The following VPS13D variants were observed in gnomAD, a reference collection of about 807,000 sequenced individuals.
VPS13D encodes the protein vacuolar protein sorting 13 homolog D.
In VPS13D, 187 loss-of-function variants were observed where a neutral mutation model predicts 461.9. That is an observed-to-expected ratio of 0.40 (90% CI 0.36 to 0.46). VPS13D has a LOEUF of 0.46. VPS13D is among the 20% of genes least tolerant of loss of function. The probability of loss-of-function intolerance (pLI) is 0.60; values close to 1 mark genes in which losing one functional copy is unlikely to be tolerated. For missense variants in VPS13D, 4,711 were observed against 5,364.9 expected (o/e 0.88, Z 3.81); for synonymous variants, 1,951 against 1,986.3 (o/e 0.98, Z 0.47).
At chr1:12,322,185 C>A (rs1158781894) in intron 33 of VPS13D, among the ~76,000 whole-genome samples, 2 of 152,198 alleles carry the variant, frequency 1.3e-5, no homozygotes, top group Non-Finnish European at 2.9e-5. Flanking sequence ...CCTGCCTCAG[C>A]CTCCTGAGTA....
intron 67 of VPS13D, among the ~76,000 whole-genome samples, chr1:12,472,167 T>C (rs994684482): frequency 6.6e-6 from 1 of 152,202 alleles, no homozygotes; most frequent in African/African-American, 2.4e-5. Flanking sequence ...CTTTCATGAA[T>C]AGAGACAGTC....
intron 39 of VPS13D, chr1:12,337,159 A>C (rs930529630): frequency 5.3e-5 from 8 of 152,050 alleles, no homozygotes; most frequent in African/African-American, 1.4e-4. Context: ...ATTTTTATTT[A>C]TTTAAAGATT....
chr1:12,366,912 T>G (rs1379955208), intron 52 of VPS13D, among the ~76,000 whole-genome samples: 1 of 152,192 alleles, frequency 6.6e-6, no homozygotes, highest in Non-Finnish European at 1.5e-5. Flanking sequence ...AAAACCTCAC[T>G]TATCACCCAA....
At chr1:12,342,860 G>T (rs764486987) in intron 41 of VPS13D, 39 bp from the exon 42 acceptor site, 2 of 1,581,582 alleles carry the variant, frequency 1.3e-6, no homozygotes, top group South Asian at 2.3e-5. Context: ...GAGCTGGGAA[G>T]AAACAGGGAC....
Position 12,373,662 on chromosome 1 carries a change from C to T in VPS13D, c.10809-88C>T, listed in dbSNP as rs568107162. 6 of 772,470 alleles carry T rather than the reference C, an allele frequency of 7.8e-6. No homozygotes were observed. The East Asian group carries it at 2.8e-4, about 37-fold the overall frequency. The allele number at this position is 772,470 out of a possible 1,614,324, so 47.9% of individuals were successfully genotyped here. Reference sequence around the variant, plus strand: ...TTTTAATAAAAGTTTTGGGCATTTGCTTATTAATACTTGAATACATGTGTG... The same window carrying T: ...TTTTAATAAAAGTTTTGGGCATTTGTTTATTAATACTTGAATACATGTGTG... On this transcript the variant is annotated intron_variant, in intron 54 of 69. Coordinates refer to ENST00000620676, the MANE Select transcript of VPS13D (RefSeq NM_015378.4).
Position 12,348,888 on chromosome 1 carries a change from C to T in VPS13D, c.9135C>T (p.Val3045=). 6.2e-7 allele frequency: 1 copy of T among 1,614,172 alleles called. No individual in the cohort carries two copies. The highest frequency in any genetic ancestry group is 8.5e-7 in the Non-Finnish European group (1 of 1,180,030). The change falls in exon 45 of 70, where the codon GTC becomes GTT. Residue 3045 remains valine (V), a synonymous_variant. Coordinates refer to ENST00000620676, the MANE Select transcript of VPS13D (RefSeq NM_015378.4). ...AVTMEGSARK[V]ITVRSALIVR... is the part of the protein sequence containing the mutation. ...CTATGGAAGGCAGTGCACGGAAAGTCATCACTGTCCGGTCAGCCCTCATTG... is the reference window on the plus strand; with the variant it reads ...CTATGGAAGGCAGTGCACGGAAAGTTATCACTGTCCGGTCAGCCCTCATTG...
At chr1:12,266,741 GT>G in intron 13 of VPS13D, 139 bp from the exon 14 acceptor site, 28 of 818,736 alleles carry the variant, frequency 3.4e-5, no homozygotes, top group Non-Finnish European at 4.5e-5. Flanking sequence ...GATAGATAGG[GT>G]TTTTTTGTTT....
At chr1:12,306,607 T>C (rs190884608) in intron 26 of VPS13D, among the ~76,000 whole-genome samples, 1 of 152,328 alleles carries the variant, frequency 6.6e-6, no homozygotes, top group Admixed American at 6.5e-5. Context: ...GTTTCTGAAA[T>C]TTCACTATTA....
At chr1:12,448,291 A>AT (rs956635038) in intron 65 of VPS13D, among the ~76,000 whole-genome samples, 3 of 152,086 alleles carry the variant, frequency 2.0e-5, no homozygotes, top group Non-Finnish European at 2.9e-5. Flanking sequence ...CATAGAGGGA[A>AT]TTTTTTTTCC....
chr1:12,508,666 C>T (rs1017209218), intron 69 of VPS13D, among the ~76,000 whole-genome samples: 5 of 150,824 alleles, frequency 3.3e-5, no homozygotes, highest in East Asian at 1.9e-4. Context: ...ACCAAGATTG[C>T]GCCTAGGCGA....
rs1190414475 is a variant in VPS13D, at chr1:12,277,143, TAGAG to T, written c.3559_3562del (p.Glu1187AsnfsTer11). 3 of 1,614,138 alleles carry T rather than the reference TAGAG, an allele frequency of 1.9e-6. No homozygotes were observed. The highest frequency in any genetic ancestry group is 2.5e-6 in the Non-Finnish European group (3 of 1,180,030). Reference sequence around the variant, plus strand: ...TTCTTCGGACAGTGGGCATGGCAAATAGAGAGAAATATGGCAGAAAAATTGCAAC... The same window carrying T: ...TTCTTCGGACAGTGGGCATGGCAAATAGAAATATGGCAGAAAAATTGCAAC... On this transcript the variant is annotated frameshift_variant, in exon 19 of 70. Coordinates refer to ENST00000620676, the MANE Select transcript of VPS13D (RefSeq NM_015378.4). LOFTEE classifies it high-confidence loss of function.
rs1341619870 is a variant in VPS13D at position 12,309,594 on chromosome 1, T to TA, written c.6650+963dup. Among the ~76,000 whole-genome samples the TA allele has an allele frequency of 2.1e-3, 311 of 145,624 alleles. 2 individuals are homozygous for TA. The highest frequency in any genetic ancestry group is 7.0e-3 in the African/African-American group (280 of 39,872). On this transcript the variant is annotated intron_variant, in intron 27 of 69. Coordinates refer to ENST00000620676, the MANE Select transcript of VPS13D (RefSeq NM_015378.4). Reference sequence around the variant, plus strand: ...CAACATGGTGAAACCCCGTCTCTACTAAAAAAAAAATACAAAAATTAGCCA... The same window carrying TA: ...CAACATGGTGAAACCCCGTCTCTACTAAAAAAAAAAATACAAAAATTAGCCA...
In VPS13D at chr1:12,322,429, T is replaced by C. The variant is rs149520649; in HGVS notation, c.7705-107T>C. On this transcript the variant is annotated intron_variant, in intron 33 of 69. Coordinates refer to ENST00000620676, the MANE Select transcript of VPS13D (RefSeq NM_015378.4). ...CTTTTAAATGAGAAATTTGGTGCAG[T>C]ATCTGTTGGACTTTTAGAAGTTGAA... 4 of 1,074,852 alleles carry C rather than the reference T, an allele frequency of 3.7e-6. No homozygotes were observed. The African/African-American group carries it at 6.3e-5, about 17-fold the overall frequency. The allele number at this position is 1,074,852 out of a possible 1,614,324, so 66.6% of individuals were successfully genotyped here.
At chr1:12,250,159 C>G (rs1640688935) in intron 6 of VPS13D, among the ~76,000 whole-genome samples, 1 of 152,172 alleles carries the variant, frequency 6.6e-6, no homozygotes, top group African/African-American at 2.4e-5. Flanking sequence ...GGCCACACCC[C>G]CCTCCAGTGT....
At chr1:12,411,026 A>G (rs190050357) in intron 63 of VPS13D, among the ~76,000 whole-genome samples, 195 of 152,370 alleles carry the variant, frequency 1.3e-3, no homozygotes, top group Non-Finnish European at 2.6e-3. Context: ...GTGAGATAGT[A>G]AAAGCTTTTT....
At chr1:12,264,485 A>G (rs1294384094) in intron 13 of VPS13D, among the ~76,000 whole-genome samples, 1 of 152,244 alleles carries the variant, frequency 6.6e-6, no homozygotes, top group African/African-American at 2.4e-5. Context: ...GAACACATGA[A>G]TGATCAGAAA....
intron 6 of VPS13D, 106 bp from the exon 7 acceptor site, chr1:12,253,616 T>A: frequency 1.1e-6 from 1 of 892,388 alleles, no homozygotes; most frequent in Non-Finnish European, 1.8e-6. Context: ...CCACAGCACC[T>A]TGCAAAGTAC....
At position 12,495,423 on chromosome 1, in the gene VPS13D, G is replaced by T. The variant is rs923603454; in HGVS notation, c.12663-2077G>T. Among the ~76,000 whole-genome samples, 12 of 152,172 alleles carry T rather than the reference G, an allele frequency of 7.9e-5. No homozygotes were observed. The highest frequency in any genetic ancestry group is 2.7e-4 in the African/African-American group (11 of 41,440). On this transcript the variant is annotated intron_variant, in intron 67 of 69. Transcript: ENST00000620676. The surrounding 1 kb of genome is among the most constrained non-coding windows in gnomAD (Gnocchi z 4.0). ...TCCATCCGCCTCGGCCTCCCAAAGT[G>T]CTGGGATTACAGGCGTGAGCCACTG...
chr1:12,396,754 T>A (rs1341168485), intron 60 of VPS13D, among the ~76,000 whole-genome samples: 5 of 152,164 alleles, frequency 3.3e-5, no homozygotes, highest in Non-Finnish European at 2.9e-5. Context: ...ATATCACGAA[T>A]AACAGAGAAT....
Sources: allele counts gnomAD v4.1 joint callset (sites outside exome capture counted in the v4.1 genomes callset), GRCh38; gene constraint gnomAD v4.1.1; non-coding constraint Gnocchi (gnomAD v3.1); transcripts MANE v1.5; gene names NCBI Gene and HGNC (gene_info 2026-07-23, HGNC 2026-07-21).